Variants in PIGU observed in about 807,000 individuals in gnomAD.
PIGU encodes GPI-anchor transamidase component PIGU.
PIGU carries 24 observed loss-of-function variants against 49.9 expected under a neutral mutation model. That is an observed-to-expected ratio of 0.48 (90% CI 0.35 to 0.68). The LOEUF (loss-of-function observed/expected upper bound fraction) is 0.68, where lower values mean the gene tolerates loss of function less well. Among genes scored for constraint, PIGU ranks in the 30% least tolerant of loss-of-function variants. The pLI, the probability that PIGU is intolerant of heterozygous loss-of-function variation, is 0.01. For missense variants in PIGU, 490 were observed against 532.6 expected (o/e 0.92, Z 0.79); for synonymous variants, 220 against 205.7 (o/e 1.07, Z -0.59).
At chr20:34,607,984 G>A (rs1361817329) in intron 7 of PIGU, among the ~76,000 whole-genome samples, 1 of 151,768 alleles carries the variant, frequency 6.6e-6, no homozygotes, top group East Asian at 1.9e-4. Flanking sequence ...TTCAGAGTGA[G>A]AAACTGGTAA....
chr20:34,644,899 GAGTA>G, intron 3 of PIGU, among the ~76,000 whole-genome samples: 1 of 152,214 alleles, frequency 6.6e-6, no homozygotes, highest in East Asian at 1.9e-4. Flanking sequence ...ATTCTAAAAA[GAGTA>G]AGTATTTGGA....
At chr20:34,621,891 G>A (rs1396570235) in intron 6 of PIGU, among the ~76,000 whole-genome samples, 1 of 152,174 alleles carries the variant, frequency 6.6e-6, no homozygotes, top group Non-Finnish European at 1.5e-5. Flanking sequence ...AAAGTACAAA[G>A]GAAGCAGACC....
At chr20:34,623,934 A>G (rs1464432989) in intron 6 of PIGU, among the ~76,000 whole-genome samples, 1 of 151,930 alleles carries the variant, frequency 6.6e-6, no homozygotes, top group Non-Finnish European at 1.5e-5. Flanking sequence ...AGGAACCTCA[A>G]CTCGAAGTGA....
Position 34,581,253 on chromosome 20 carries a change from C to T in PIGU, c.1051+295G>A, listed in dbSNP as rs562906288. Reference sequence around the variant, plus strand: ...TACCTCAGTTTTCTCATCTGCAAAACGTGGATACTTACCTCAAAGGCTGGT... The same window carrying T: ...TACCTCAGTTTTCTCATCTGCAAAATGTGGATACTTACCTCAAAGGCTGGT... On this transcript the variant is annotated intron_variant, in intron 10 of 11. Coordinates refer to ENST00000217446, the MANE Select transcript of PIGU (RefSeq NM_080476.5). Among the ~76,000 whole-genome samples the T allele has an allele frequency of 7.2e-5, 11 of 152,200 alleles. No homozygotes were observed. In the South Asian group the frequency reaches 2.3e-3, roughly 32 times the overall value.
chr20:34,563,212 A>C (rs1228409563), intron 11 of PIGU, among the ~76,000 whole-genome samples: 1 of 152,208 alleles, frequency 6.6e-6, no homozygotes, highest in Non-Finnish European at 1.5e-5. Flanking sequence ...GACTTTAGGT[A>C]GCTATTCTTT....
intron 6 of PIGU, among the ~76,000 whole-genome samples, chr20:34,633,202 G>A (rs1398865578): frequency 6.6e-6 from 1 of 152,158 alleles, no homozygotes; most frequent in Non-Finnish European, 1.5e-5. Context: ...GGTGGTTCAT[G>A]CTTATAGTCC....
At chr20:34,607,376 C>A (rs946844573) in intron 7 of PIGU, among the ~76,000 whole-genome samples, 2 of 152,128 alleles carry the variant, frequency 1.3e-5, no homozygotes, top group Non-Finnish European at 1.5e-5. Flanking sequence ...AGTGGAGTGG[C>A]AGAGAGGGAG....
chr20:34,570,331 C>T (rs1982951359), intron 11 of PIGU, among the ~76,000 whole-genome samples: 1 of 152,230 alleles, frequency 6.6e-6, no homozygotes, highest in Non-Finnish European at 1.5e-5. Flanking sequence ...TTCGGAAGGC[C>T]ATCTGAGCAC....
At chr20:34,673,110 C>T (rs577124974) in intron 1 of PIGU, among the ~76,000 whole-genome samples, 335 of 151,726 alleles carry the variant, frequency 2.2e-3, no homozygotes, top group African/African-American at 7.5e-3. Context: ...AAAAATTAAC[C>T]GGGTGTGGTG....
At chr20:34,641,808 G>A (rs886258782) in intron 4 of PIGU, among the ~76,000 whole-genome samples, 4 of 152,174 alleles carry the variant, frequency 2.6e-5, no homozygotes, top group Non-Finnish European at 4.4e-5. Flanking sequence ...TAGTATGTTA[G>A]TATCATCAAA....
At chr20:34,615,659 C>T (rs1984975609) in intron 7 of PIGU, among the ~76,000 whole-genome samples, 2 of 152,100 alleles carry the variant, frequency 1.3e-5, no homozygotes, top group South Asian at 2.1e-4. Context: ...AATCTCACGC[C>T]GTCCTGCTCT....
Position 34,560,905 on chromosome 20 carries a change from G to A in PIGU, c.1269C>T (p.Thr423=), listed in dbSNP as rs372633825. The change falls in exon 12 of 12, where the codon ACC becomes ACT. Residue 423 remains threonine, a synonymous_variant. Coordinates refer to ENST00000217446, the MANE Select transcript of PIGU (RefSeq NM_080476.5). ...GCATGGCCTCTGTGCCATCCTTGGC[G>A]GTCAAGTAGAGGCCATGTGTGAGGT... ...EYYLTHGLYL[T]AKDGTEAMLV... The A allele has an allele frequency of 1.5e-5, 24 of 1,612,442 alleles. No individual in the cohort carries two copies. The highest frequency in any genetic ancestry group is 1.6e-4 in the Middle Eastern group (1 of 6,076).
At chr20:34,614,258 C>T (rs1859550457) in intron 7 of PIGU, among the ~76,000 whole-genome samples, 1 of 152,004 alleles carries the variant, frequency 6.6e-6, no homozygotes, top group Admixed American at 6.6e-5. Flanking sequence ...GACTGCGGCA[C>T]TGCACATCCC....
At chr20:34,563,301 C>A (rs1447158484) in intron 11 of PIGU, among the ~76,000 whole-genome samples, 1 of 152,194 alleles carries the variant, frequency 6.6e-6, no homozygotes. Context: ...GGTGCGGTGG[C>A]TCATGCCTGT....
intron 7 of PIGU, among the ~76,000 whole-genome samples, chr20:34,594,459 G>A (rs547729616): frequency 2.0e-5 from 3 of 152,180 alleles, no homozygotes; most frequent in African/African-American, 7.2e-5. Context: ...GGAATTTCCA[G>A]GAAATAATGT....
rs1226405443 is a variant in PIGU at position 34,588,754 on chromosome 20, T to A, written c.628-147A>T. 4 of 719,306 alleles carry A rather than the reference T, an allele frequency of 5.6e-6. No individual in the cohort carries two copies. In the East Asian group the frequency reaches 1.1e-4, roughly 20 times the overall value. 44.6% of individuals were successfully genotyped at this position (719,306 alleles called of 1,614,324 possible). A position where few individuals can be genotyped will look rare whatever the true frequency, so the allele number is the denominator to read the frequency against. On this transcript the variant is annotated intron_variant, in intron 7 of 11. Coordinates refer to ENST00000217446, the MANE Select transcript of PIGU (RefSeq NM_080476.5). ...TTGGTCTTTAATTAACTAAGAAGGA[T>A]GTAAGTGTTAAAAAGGTATTACGGG...
chr20:34,620,306 C>T (rs910699151), intron 6 of PIGU, among the ~76,000 whole-genome samples: 2 of 152,208 alleles, frequency 1.3e-5, no homozygotes, highest in Non-Finnish European at 2.9e-5. Context: ...CATGCTGTTT[C>T]ATTCTTCTGT....
At chr20:34,605,070 C>T (rs1056863589) in intron 7 of PIGU, among the ~76,000 whole-genome samples, 1 of 152,180 alleles carries the variant, frequency 6.6e-6, no homozygotes, top group East Asian at 1.9e-4. Context: ...CCTGTGCACT[C>T]GGCTTTCCTT....
intron 10 of PIGU, among the ~76,000 whole-genome samples, chr20:34,575,855 A>G (rs1983209674): frequency 6.6e-6 from 1 of 152,182 alleles, no homozygotes; most frequent in South Asian, 2.1e-4. Flanking sequence ...GGGAATGCCG[A>G]ATCCCACCAG....
Sources: gnomAD v4.1 joint callset for allele counts (sites outside exome capture counted in the v4.1 genomes callset) on GRCh38, gnomAD v4.1.1 for gene constraint, MANE v1.5 for transcripts, NCBI Gene and HGNC (gene_info 2026-07-23, HGNC 2026-07-21) for gene names.